SLC25A48: variants seen among roughly 807,000 people sequenced by gnomAD.
The protein encoded by SLC25A48 is CTC-321K16.1.
Under a neutral mutation model 32.2 loss-of-function variants are expected in SLC25A48, and 29 were observed. That is an observed-to-expected ratio of 0.90 (90% CI 0.67 to 1.23). The LOEUF (loss-of-function observed/expected upper bound fraction) is 1.23. Among genes scored for constraint, SLC25A48 ranks in the 50% most tolerant of loss-of-function variants. The probability of loss-of-function intolerance (pLI) is 0.00; values close to 1 mark genes in which losing one functional copy is unlikely to be tolerated. For missense variants in SLC25A48, 399 were observed against 422.7 expected (o/e 0.94, Z 0.49); for synonymous variants, 164 against 172.3 (o/e 0.95, Z 0.38).
intron 4 of SLC25A48, among the ~76,000 whole-genome samples, chr5:135,863,726 TG>T (rs2126779893): frequency 6.6e-6 from 1 of 152,180 alleles, no homozygotes; most frequent in East Asian, 1.9e-4. Flanking sequence ...AACTATCCCT[TG>T]GGGAGGTGGG....
intron 3 of SLC25A48, among the ~76,000 whole-genome samples, chr5:135,851,862 C>T (rs78991141): frequency 2.1e-3 from 320 of 152,194 alleles, no homozygotes; most frequent in Non-Finnish European, 3.7e-3. Context: ...GCCTGCAGCA[C>T]CCCCTCCTCA....
At chr5:135,579,180 A>G, upstream of SLC25A48, 1 of 313,534 alleles carries the variant, frequency 3.2e-6, no homozygotes, top group Admixed American at 5.5e-5. Flanking sequence ...GCACACCCGG[A>G]GCCACGCGCG....
chr5:135,857,660 C>G (rs1179031137), intron 4 of SLC25A48, among the ~76,000 whole-genome samples: 1 of 152,202 alleles, frequency 6.6e-6, no homozygotes, highest in Non-Finnish European at 1.5e-5. Flanking sequence ...CAGAGAGGAA[C>G]TGGGTGCCTA....
intron 3 of SLC25A48, among the ~76,000 whole-genome samples, chr5:135,683,733 C>T (rs1429744042): frequency 1.3e-5 from 2 of 152,170 alleles, no homozygotes; most frequent in African/African-American, 4.8e-5. Flanking sequence ...AGTTTCTAGT[C>T]CTTCTAATGG....
At chr5:135,597,274 G>A (rs1751677058) in intron 1 of SLC25A48, among the ~76,000 whole-genome samples, 1 of 152,198 alleles carries the variant, frequency 6.6e-6, no homozygotes, top group African/African-American at 2.4e-5. Context: ...GAAGGGATTG[G>A]ATACAGGGAA....
intron 3 of SLC25A48, among the ~76,000 whole-genome samples, chr5:135,775,151 A>G (rs2126613980): frequency 6.6e-6 from 1 of 151,944 alleles, no homozygotes; most frequent in South Asian, 2.1e-4. Flanking sequence ...TTTAATATCC[A>G]GTGGAAAAGA....
chr5:135,753,381 A>G (rs747475980), intron 3 of SLC25A48, among the ~76,000 whole-genome samples: 6 of 152,012 alleles, frequency 3.9e-5, no homozygotes, highest in Non-Finnish European at 8.8e-5. Context: ...TATGCTTAGT[A>G]TCACGGGCTG....
intron 3 of SLC25A48, among the ~76,000 whole-genome samples, chr5:135,766,172 G>A (rs563973687): frequency 2.0e-5 from 3 of 150,890 alleles, no homozygotes; most frequent in East Asian, 2.0e-4. Flanking sequence ...TCCCAATAAC[G>A]CGGTTGGTGT....
intron 4 of SLC25A48, among the ~76,000 whole-genome samples, chr5:135,822,554 A>C (rs10077417): frequency 0.99 from 150,141 of 152,214 alleles, 74,076 homozygotes; most frequent in East Asian, 1. Flanking sequence ...ATGACATTCT[A>C]CCTGTGTGTC....
At chr5:135,601,944 C>T (rs950460430) in intron 1 of SLC25A48, among the ~76,000 whole-genome samples, 1 of 152,158 alleles carries the variant, frequency 6.6e-6, no homozygotes, top group Non-Finnish European at 1.5e-5. Context: ...ATGTCTACTG[C>T]ACAGGTTTAT....
intron 4 of SLC25A48, chr5:135,827,499 G>A (rs550733507): frequency 7.2e-5 from 11 of 152,292 alleles, no homozygotes; most frequent in Non-Finnish European, 1.5e-4. Context: ...TTTGGGATTT[G>A]GAGTATGATG....
chr5:135,650,450 G>A (rs1243791954), intron 3 of SLC25A48: 11 of 455,980 alleles, frequency 2.4e-5, no homozygotes, highest in Admixed American at 1.6e-4. Context: ...GACACAGTGA[G>A]TTCCCAGGAA....
At chr5:135,630,711 C>T (rs1178352452) in intron 2 of SLC25A48, among the ~76,000 whole-genome samples, 1 of 144,306 alleles carries the variant, frequency 6.9e-6, no homozygotes, top group Non-Finnish European at 1.5e-5. Flanking sequence ...AAGTGATTCT[C>T]CTGCCTCAGT....
intron 3 of SLC25A48, among the ~76,000 whole-genome samples, chr5:135,758,378 C>T (rs1312530134): frequency 6.6e-6 from 1 of 150,662 alleles, no homozygotes; most frequent in Non-Finnish European, 1.5e-5. Context: ...CTAGTGTTAA[C>T]ATACTGTGAT....
At chr5:135,745,529 T>C (rs1286379221) in intron 3 of SLC25A48, among the ~76,000 whole-genome samples, 6 of 152,008 alleles carry the variant, frequency 3.9e-5, no homozygotes. Flanking sequence ...CACAGCAAGA[T>C]TCCCTCTGGA....
intron 3 of SLC25A48, among the ~76,000 whole-genome samples, chr5:135,805,514 G>A (rs1016159151): frequency 6.6e-6 from 1 of 151,642 alleles, no homozygotes; most frequent in Admixed American, 6.6e-5. Context: ...TAATATCACA[G>A]TGGGTGTACA....
At chr5:135,878,561 C>T (rs1331693359) in intron 6 of SLC25A48, among the ~76,000 whole-genome samples, 2 of 152,152 alleles carry the variant, frequency 1.3e-5, no homozygotes, top group Non-Finnish European at 2.9e-5. Flanking sequence ...GGACATGTTG[C>T]ACCCTGGAGG....
chr5:135,879,599 A>AGTGT (rs1435731336), intron 6 of SLC25A48, among the ~76,000 whole-genome samples: 156 of 139,192 alleles, frequency 1.1e-3, no homozygotes, highest in Non-Finnish European at 1.8e-3. Context: ...AGAGAGAGAG[A>AGTGT]GAGAGAGAGA....
At chr5:135,844,291 C>T (rs574174777) in intron 2 of SLC25A48, among the ~76,000 whole-genome samples, 1 of 152,322 alleles carries the variant, frequency 6.6e-6, no homozygotes, top group Non-Finnish European at 1.5e-5. Context: ...CTGCTGCATA[C>T]CTCTCCAGGG....
Sources: allele counts gnomAD v4.1 joint callset (sites outside exome capture counted in the v4.1 genomes callset), GRCh38; gene constraint gnomAD v4.1.1; transcripts MANE v1.5; gene names NCBI Gene and HGNC (gene_info 2026-07-23, HGNC 2026-07-21).